The following NDUFA11 variants were observed in gnomAD, a reference collection of about 807,000 sequenced individuals.
NDUFA11 encodes NADH dehydrogenase [ubiquinone] 1 alpha subcomplex subunit 11.
NDUFA11 carries 14 observed loss-of-function variants against 11.3 expected under a neutral mutation model. That is an observed-to-expected ratio of 1.24 (90% confidence interval 0.82 to 1.94). The LOEUF is 1.94. Among genes scored for constraint, NDUFA11 ranks in the 30% most tolerant of loss-of-function variants. The pLI is 0.00. For missense variants in NDUFA11, 204 were observed against 200.3 expected, an observed-to-expected ratio of 1.02 and a Z score of -0.11; for synonymous variants, 87 against 85.6, an observed-to-expected ratio of 1.02 and a Z score of -0.09.
At chr19:5,901,457 G>C (rs1488054421) in intron 1 of NDUFA11, 1 of 1,286,098 alleles carries the variant, frequency 7.8e-7, no homozygotes, top group African/African-American at 1.5e-5. Context: ...GTCCCTACCT[G>C]TAAGAAATGG....
chr19:5,894,542 C>A (rs564239182), downstream of NDUFA11: 103 of 1,131,752 alleles, frequency 9.1e-5, no homozygotes, highest in East Asian at 2.2e-3. Flanking sequence ...AGGCTGGTAC[C>A]CTTGGCAGGG....
downstream of NDUFA11, chr19:5,893,107 C>T: frequency 1.3e-6 from 2 of 1,536,098 alleles, no homozygotes; most frequent in Non-Finnish European, 8.7e-7. This position sits in a 1 kb window ranked among gnomAD's most constrained non-coding sequence, Gnocchi z 4.1. Context: ...TGTGCTGGAA[C>T]ACGCGTGGAC....
At chr19:5,901,148 A>T in intron 1 of NDUFA11, 1 of 417,762 alleles carries the variant, frequency 2.4e-6, no homozygotes, top group Non-Finnish European at 3.9e-6. Context: ...CAGCAGCACC[A>T]CACCCCGAGA....
chr19:5,893,167 A>G, downstream of NDUFA11: 2 of 1,536,068 alleles, frequency 1.3e-6, no homozygotes, highest in Non-Finnish European at 1.7e-6. This position sits in a 1 kb window ranked among gnomAD's most constrained non-coding sequence, Gnocchi z 4.1. Flanking sequence ...GGAAGAAGGG[A>G]CCCAGAATCT....
At chr19:5,893,722 G>T (rs986632017), downstream of NDUFA11, among the ~76,000 whole-genome samples, 1 of 152,188 alleles carries the variant, frequency 6.6e-6, no homozygotes, top group African/African-American at 2.4e-5. This position sits in a 1 kb window ranked among gnomAD's most constrained non-coding sequence, Gnocchi z 4.1. Context: ...TACTACTCGG[G>T]GGTGGACAGA....
In NDUFA11 at chr19:5,896,529, A is replaced by G. The variant is rs2057610197; in HGVS notation, c.237T>C (p.His79=). 6.4e-7 allele frequency: 1 copy of G among 1,568,818 alleles called. No individual in the cohort carries two copies. Among genetic ancestry groups the G allele is most frequent in the African/African-American group, 1.4e-5 (1 of 73,962 alleles). ...GGGGGTCGTCGGGCTTCTCGCGGAC[A>G]TGGGCGCTGATGCAGGTGGTGAGGC... is the stretch of plus-strand genomic sequence containing the variant. ...VFGLTTCISA[H]VREKPDDPLN... The change falls in exon 3 of 4, where the codon CAT becomes CAC. Residue 79 remains histidine (H), a synonymous_variant. Coordinates refer to ENST00000308961, the MANE Select transcript of NDUFA11 (RefSeq NM_175614.5). The surrounding 1 kb of genome is among the most constrained non-coding windows in gnomAD (Gnocchi z 5.8).
intron 1 of NDUFA11, among the ~76,000 whole-genome samples, chr19:5,900,689 G>A (rs1006705298): frequency 1.6e-4 from 25 of 152,268 alleles, no homozygotes; most frequent in Middle Eastern, 3.4e-3. Context: ...AGGCCAAGGC[G>A]GGCGGATCAC....
At position 5,894,844 on chromosome 19, in the gene NDUFA11, G is replaced by A. The variant is rs748589577; in HGVS notation, c.324C>T (p.Tyr108=). 3.7e-5 allele frequency: 59 copies of A among 1,607,116 alleles called. No individual in the cohort carries two copies. Among genetic ancestry groups the A allele is most frequent in the Middle Eastern group, 1.7e-4 (1 of 6,008 alleles). The change falls in exon 4 of 4, where the codon TAC becomes TAT. Residue 108 remains tyrosine (Y), a synonymous_variant. Transcript: ENST00000308961. ...GLTLGARTHN[Y]GIGAAACVYF... ...ACACGCAGGCGGCGGCGCCAATCCC[G>A]TAGTTGTGCGCTGTGGGAGTGGGGA...
At chr19:5,901,454 C>G in intron 1 of NDUFA11, 1 of 1,286,482 alleles carries the variant, frequency 7.8e-7, no homozygotes, top group East Asian at 5.6e-5. Context: ...TCAGTCCCTA[C>G]CTGTAAGAAA....
downstream of NDUFA11, chr19:5,893,121 T>C: frequency 6.5e-7 from 1 of 1,536,076 alleles, no homozygotes; most frequent in South Asian, 1.2e-5. The surrounding 1 kb of genome is among the most constrained non-coding windows in gnomAD (Gnocchi z 4.1). Context: ...CGTGGACATC[T>C]GTGCTCTCTC....
In NDUFA11 at chr19:5,894,734, C is replaced by A; in HGVS notation, c.*8G>T. The A allele has an allele frequency of 6.2e-7, 1 of 1,611,976 alleles. No individual in the cohort carries two copies. Among genetic ancestry groups the A allele is most frequent in the Non-Finnish European group, 8.5e-7 (1 of 1,179,148 alleles). On this transcript the variant is annotated 3_prime_UTR_variant, in exon 4 of 4. Coordinates refer to ENST00000308961, the MANE Select transcript of NDUFA11 (RefSeq NM_175614.5). ...TCTGCAGGCTGGAGGTCCCGGCAGG[C>A]ACAGGGCTCACACCTTGGGTTTTGC...
At chr19:5,892,228 C>T (rs1164443708), downstream of NDUFA11, 1 of 152,848 alleles carries the variant, frequency 6.5e-6, no homozygotes, top group African/African-American at 2.4e-5. Context: ...CACAGGGAGG[C>T]ACCTGGGGCT....
intron 1 of NDUFA11, among the ~76,000 whole-genome samples, chr19:5,897,391 C>T (rs185348142): frequency 6.6e-6 from 1 of 152,310 alleles, no homozygotes; most frequent in Non-Finnish European, 1.5e-5. Context: ...TCCAGCCTCA[C>T]ACCGCCAGCT....
At chr19:5,892,701 C>T (rs1361340381), downstream of NDUFA11, 18 of 542,866 alleles carry the variant, frequency 3.3e-5, 1 homozygote, top group Admixed American at 3.1e-4. Context: ...CCCAGCAGGC[C>T]GTGCTGTGGT....
intron 3 of NDUFA11, 49 bp from the exon 4 acceptor site, chr19:5,894,903 C>T: frequency 6.5e-7 from 1 of 1,537,470 alleles, no homozygotes; most frequent in East Asian, 2.4e-5. Flanking sequence ...CTCGGCCGGA[C>T]CAAGACGCTC....
chr19:5,896,896 C>T lies in NDUFA11; in HGVS notation c.190+9G>A, dbSNP rs771753574. 1.6e-5 allele frequency: 25 copies of T among 1,610,452 alleles called. No individual in the cohort carries two copies. Among genetic ancestry groups the T allele is most frequent in the Middle Eastern group, 3.3e-4 (2 of 6,078 alleles). Reference sequence around the variant, plus strand: ...GAGGGCCCAGCCATGCCCAGCCCAGCGTGCTCACCTGCAGTGAACGTGTAT... The same window carrying T: ...GAGGGCCCAGCCATGCCCAGCCCAGTGTGCTCACCTGCAGTGAACGTGTAT... On this transcript the variant is annotated intron_variant, in intron 2 of 3. Transcript: ENST00000308961. The surrounding 1 kb of genome is among the most constrained non-coding windows in gnomAD (Gnocchi z 5.8).
At chr19:5,893,224 G>C (rs945512365), downstream of NDUFA11, 35 of 1,531,422 alleles carry the variant, frequency 2.3e-5, no homozygotes, top group Non-Finnish European at 2.8e-5. The surrounding 1 kb of genome is among the most constrained non-coding windows in gnomAD (Gnocchi z 4.1). Context: ...CTGGGAGGCT[G>C]AGGTGTGAGG....
In NDUFA11 at chr19:5,896,001, C is replaced by A; in HGVS notation, c.313+452G>T. 1 of 268,108 alleles carries A rather than the reference C, an allele frequency of 3.7e-6. No homozygotes were observed. Among genetic ancestry groups the A allele is most frequent in the Non-Finnish European group, 7.1e-6 (1 of 140,036 alleles). The allele number at this position is 268,108 out of a possible 1,614,324, so 16.6% of individuals were successfully genotyped here. A position where few individuals can be genotyped will look rare whatever the true frequency, so the allele number is the denominator to read the frequency against. ...CCATCCTCCTCTCTGACTCACAGGC[C>A]AGTGGCAGAGACAGGGGGTGACCTT... On this transcript the variant is annotated intron_variant, in intron 3 of 3. Coordinates refer to ENST00000308961, the MANE Select transcript of NDUFA11 (RefSeq NM_175614.5). The surrounding 1 kb of genome is among the most constrained non-coding windows in gnomAD (Gnocchi z 5.8).
intron 1 of NDUFA11, chr19:5,901,440 A>G: frequency 7.8e-7 from 1 of 1,287,086 alleles, no homozygotes; most frequent in Non-Finnish European, 1.0e-6. Flanking sequence ...TGCTTCTCCA[A>G]CCTTCAGTCC....
Sources: gnomAD v4.1 joint callset for allele counts (sites outside exome capture counted in the v4.1 genomes callset) on GRCh38, gnomAD v4.1.1 for gene constraint, Gnocchi (gnomAD v3.1) non-coding constraint, MANE v1.5 for transcripts, NCBI Gene and HGNC (gene_info 2026-07-23, HGNC 2026-07-21) for gene names.